Variants in SEMA6D observed in about 807,000 individuals in gnomAD.
SEMA6D encodes the protein semaphorin-6D.
SEMA6D carries 35 observed loss-of-function variants against 106.6 expected under a neutral mutation model. The ratio of observed to expected loss-of-function variants is 0.33; its 90% CI spans 0.25 to 0.44. SEMA6D has a LOEUF of 0.44. Ranked by LOEUF, SEMA6D falls within the 20% of genes least tolerant of loss-of-function variation. SEMA6D has a pLI of 1.00. For synonymous variants in SEMA6D, 499 were observed against 487.7 expected (o/e 1.02, Z -0.31); for missense variants, 1,185 against 1,345.9 (o/e 0.88, Z 1.87).
chr15:47,662,855 GCGCACACACACA>G (rs1440274086), intron 4 of SEMA6D, among the ~76,000 whole-genome samples: 5 of 104,772 alleles, frequency 4.8e-5, no homozygotes, highest in East Asian at 2.3e-4. Flanking sequence ...GCGTGTATGA[GCGCACACACACA>G]CACACACACA....
intron 1 of SEMA6D, among the ~76,000 whole-genome samples, chr15:47,338,852 C>G (rs2037683985): frequency 6.6e-6 from 1 of 152,074 alleles, no homozygotes; most frequent in Non-Finnish European, 1.5e-5. Context: ...TTCATCTGTC[C>G]AAGGCAGGAT....
intron 4 of SEMA6D, among the ~76,000 whole-genome samples, chr15:47,688,461 A>G (rs539235705): frequency 6.6e-6 from 1 of 152,218 alleles, no homozygotes; most frequent in East Asian, 1.9e-4. Context: ...TAAAATTATT[A>G]TGTCTTCATT....
rs1258338355 is a variant in SEMA6D at position 47,348,723 on chromosome 15, C to CAGAGAGAGAGAGAGAGAG, written c.-238-63669_-238-63668insGAGAGAGAGAGAGAGAGA. ...CACACACACACACACACACACCACA[C>CAGAGAGAGAGAGAGAGAG]ACACAGAGAGAGAGAGAGAGAGAGA... On this transcript the variant is annotated intron_variant, in intron 1 of 19. Coordinates refer to the SEMA6D transcript ENST00000558014. Among the ~76,000 whole-genome samples, 305 of 45,556 alleles carry CAGAGAGAGAGAGAGAGAG rather than the reference C, an allele frequency of 6.7e-3. 31 individuals are homozygous for CAGAGAGAGAGAGAGAGAG. Among genetic ancestry groups the CAGAGAGAGAGAGAGAGAG allele is most frequent in the African/African-American group, 0.015 (266 of 17,494 alleles). The allele number at this position is 45,556 out of a possible 152,430, so 29.9% of individuals were successfully genotyped here.
At chr15:47,367,692 G>GCA (rs72057750) in intron 1 of SEMA6D, among the ~76,000 whole-genome samples, 10,711 of 73,124 alleles carry the variant, frequency 0.15, 426 homozygotes, top group Middle Eastern at 0.25. Flanking sequence ...GCGCGCGCGC[G>GCA]CACACACACA....
At chr15:47,492,981 CAAG>C (rs2043519647) in intron 3 of SEMA6D, among the ~76,000 whole-genome samples, 2 of 151,726 alleles carry the variant, frequency 1.3e-5, no homozygotes, top group Non-Finnish European at 2.9e-5. Context: ...GCAGGAGAAA[CAAG>C]AAAAAAAACT....
intron 1 of SEMA6D, among the ~76,000 whole-genome samples, chr15:47,390,567 G>A (rs1270574593): frequency 9.3e-6 from 1 of 107,928 alleles, no homozygotes; most frequent in Admixed American, 8.6e-5. Flanking sequence ...CAGCCTCACC[G>A]GTTTTTTTGT....
chr15:47,296,489 C>T (rs2035806718), intron 1 of SEMA6D, among the ~76,000 whole-genome samples: 2 of 152,176 alleles, frequency 1.3e-5, no homozygotes, highest in African/African-American at 2.4e-5. Flanking sequence ...AACCAGCTGA[C>T]ATTTATACAT....
At chr15:47,217,564 C>T (rs967174077) in intron 1 of SEMA6D, among the ~76,000 whole-genome samples, 3 of 106,482 alleles carry the variant, frequency 2.8e-5, no homozygotes, top group African/African-American at 1.1e-4. Context: ...CACGCGTGCA[C>T]GGGTGTGTGT....
chr15:47,242,004 C>T (rs375830764), intron 1 of SEMA6D, among the ~76,000 whole-genome samples: 33 of 152,186 alleles, frequency 2.2e-4, no homozygotes, highest in African/African-American at 7.2e-4. Context: ...AAGGCAGTCA[C>T]GGGTATGAAT....
Position 47,204,302 on chromosome 15 carries a change from T to A in SEMA6D, c.-239+19884T>A, listed in dbSNP as rs1894907014. 2.6e-5 allele frequency among the ~76,000 whole-genome samples: 4 copies of A among 152,140 alleles called. 1 individual carries two copies. In the South Asian group the frequency reaches 6.2e-4, roughly 24 times the overall value. ...TTTTCCACTGTGAGGTACATAAATG[T>A]CTTCTGTCTCAAAAAATAAATAAAA... On this transcript the variant is annotated intron_variant, in intron 1 of 19. Transcript: ENST00000558014.
At chr15:47,589,412 C>T (rs2076399832) in intron 3 of SEMA6D, among the ~76,000 whole-genome samples, 1 of 152,224 alleles carries the variant, frequency 6.6e-6, no homozygotes, top group African/African-American at 2.4e-5. Flanking sequence ...CCTGCTCCAG[C>T]CCCTGCTGAC....
At chr15:47,720,117 T>G (rs1222180741) in intron 1 of SEMA6D, among the ~76,000 whole-genome samples, 1 of 152,212 alleles carries the variant, frequency 6.6e-6, no homozygotes, top group African/African-American at 2.4e-5. Context: ...ACCCTAAGGC[T>G]TCCAAAATGT....
At chr15:47,195,475 A>G (rs894602230) in intron 1 of SEMA6D, among the ~76,000 whole-genome samples, 5 of 152,180 alleles carry the variant, frequency 3.3e-5, no homozygotes, top group African/African-American at 1.2e-4. Flanking sequence ...CCCTGATAAC[A>G]TTATAAGATA....
At chr15:47,705,502 C>T (rs1018535873) in intron 4 of SEMA6D, among the ~76,000 whole-genome samples, 2 of 152,120 alleles carry the variant, frequency 1.3e-5, no homozygotes, top group African/African-American at 4.8e-5. Context: ...TTGTACTTAC[C>T]CTTGTAAAAT....
intron 4 of SEMA6D, among the ~76,000 whole-genome samples, chr15:47,636,059 A>ATAGAT (rs1408953139): frequency 6.6e-6 from 1 of 152,164 alleles, no homozygotes; most frequent in Non-Finnish European, 1.5e-5. Flanking sequence ...TTCAACATAC[A>ATAGAT]TAGATTGCTT....
At chr15:47,481,418 G>A (rs1425677042) in intron 3 of SEMA6D, among the ~76,000 whole-genome samples, 2 of 152,110 alleles carry the variant, frequency 1.3e-5, no homozygotes, top group Non-Finnish European at 2.9e-5. Context: ...TGAGAAAGTA[G>A]CAAACTTTTA....
chr15:47,718,635 C>T (rs1283241391), intron 1 of SEMA6D: 1 of 152,430 alleles, frequency 6.6e-6, no homozygotes, highest in African/African-American at 2.4e-5. Flanking sequence ...ACTTTCCGTG[C>T]TTTGTTCCCC....
intron 1 of SEMA6D, among the ~76,000 whole-genome samples, chr15:47,392,121 A>G (rs902119812): frequency 7.2e-5 from 11 of 152,238 alleles, no homozygotes; most frequent in Non-Finnish European, 1.6e-4. Context: ...CTCGTTCACA[A>G]CTGAAGTTCC....
intron 1 of SEMA6D, among the ~76,000 whole-genome samples, chr15:47,260,680 C>T (rs2034031098): frequency 6.6e-6 from 1 of 152,084 alleles, no homozygotes; most frequent in African/African-American, 2.4e-5. Flanking sequence ...CATGCTGAGC[C>T]ACTTGTGGAA....
Sources: gnomAD v4.1 joint callset for allele counts (sites outside exome capture counted in the v4.1 genomes callset) on GRCh38, gnomAD v4.1.1 for gene constraint, MANE v1.5 for transcripts, NCBI Gene and HGNC (gene_info 2026-07-23, HGNC 2026-07-21) for gene names.